The following COL7A1 variants were observed in gnomAD, a reference collection of about 807,000 sequenced individuals.
COL7A1 encodes the protein collagen alpha-1(VII) chain.
Under a neutral mutation model 456.2 loss-of-function variants are expected in COL7A1, and 296 were observed. That is an observed-to-expected ratio of 0.65 (90% CI 0.59 to 0.71). COL7A1 has a LOEUF of 0.71. Ranked by LOEUF, COL7A1 falls within the 30% of genes least tolerant of loss-of-function variation. The probability of loss-of-function intolerance (pLI) is 0.00; values close to 1 mark genes in which losing one functional copy is unlikely to be tolerated. For missense variants in COL7A1, 3,441 were observed against 4,017.2 expected, an observed-to-expected ratio of 0.86 and a Z score of 3.88; for synonymous variants, 1,464 against 1,525.9, an observed-to-expected ratio of 0.96 and a Z score of 0.95.
In COL7A1 at chr3:48,571,363, G is replaced by T; in HGVS notation, c.7069-85C>A. 1 of 1,535,334 alleles carries T rather than the reference G, an allele frequency of 6.5e-7. No homozygotes were observed. The highest frequency in any genetic ancestry group is 9.0e-7 in the Non-Finnish European group (1 of 1,112,900). Reference sequence around the variant, plus strand: ...ACGGGCTGAAAATATTCCCAGGGGAGTTCTGATGTGACCATGAACACATGG... The same window carrying T: ...ACGGGCTGAAAATATTCCCAGGGGATTTCTGATGTGACCATGAACACATGG... On this transcript the variant is annotated intron_variant, in intron 92 of 118. Coordinates refer to ENST00000681320, the MANE Select transcript of COL7A1 (RefSeq NM_000094.4). The surrounding 1 kb of genome is among the most constrained non-coding windows in gnomAD (Gnocchi z 4.6).
chr3:48,570,901 G>A lies in COL7A1; in HGVS notation c.7232C>T (p.Pro2411Leu). 6.2e-7 allele frequency: 1 copy of A among 1,613,572 alleles called. No homozygotes were observed. ...GVVGFPGQTG[P>L]RGEMGQPGPS... is the part of the protein sequence containing the mutation. ...GCCTGGCTGACCCATCTCTCCTCGA[G>A]GGCCTGTCTGACCCGGGAACCCAAC... The change falls in exon 95 of 119, where the codon CCT becomes CTT. Residue 2411 changes from proline (P) to leucine (L), a missense_variant. Pro to Leu is a moderately conservative substitution (Grantham distance 98). Transcript: ENST00000681320. This position sits in a 1 kb window ranked among gnomAD's most constrained non-coding sequence, Gnocchi z 5.5.
rs1559444623 is a variant in COL7A1, at chr3:48,595,046, CG to C, written c.85+28del. 2.6e-6 allele frequency: 4 copies of C among 1,532,402 alleles called. No homozygotes were observed. The Admixed American group carries it at 5.9e-5, about 23-fold the overall frequency. The allele number at this position is 1,532,402 out of a possible 1,614,324, so 94.9% of individuals were successfully genotyped here. On this transcript the variant is annotated intron_variant, in intron 2 of 118. Coordinates refer to ENST00000681320, the MANE Select transcript of COL7A1 (RefSeq NM_000094.4). ...CGGAGGGTGGCACGGTGCAGTGCCC[CG>C]GGCCGGGTCCTCCCTTGCGGTGCCC... is the stretch of plus-strand genomic sequence containing the variant.
rs1213166614 is a variant in COL7A1 at position 48,565,794 on chromosome 3, G to GC, written c.8408-127_8408-126insG. Reference sequence around the variant, plus strand: ...AAGAGATAGCAGGAGAGGGTAACAGGAGAGAGAGGAAGAGAGAGGGTGGGA... The same window carrying GC: ...AAGAGATAGCAGGAGAGGGTAACAGGCAGAGAGAGGAAGAGAGAGGGTGGGA... On this transcript the variant is annotated intron_variant, in intron 114 of 118. Coordinates refer to ENST00000681320, the MANE Select transcript of COL7A1 (RefSeq NM_000094.4). The surrounding 1 kb of genome is among the most constrained non-coding windows in gnomAD (Gnocchi z 4.5). 22 of 883,980 alleles carry GC rather than the reference G, an allele frequency of 2.5e-5. No homozygotes were observed. The African/African-American group carries it at 4.1e-4, about 16-fold the overall frequency. 54.8% of individuals were successfully genotyped at this position (883,980 alleles called of 1,614,324 possible). A position where few individuals can be genotyped will look rare whatever the true frequency, so the allele number is the denominator to read the frequency against.
chr3:48,585,571 C>T lies in COL7A1; in HGVS notation c.3880G>A (p.Ala1294Thr), dbSNP rs2045182493. 7 of 1,613,954 alleles carry T rather than the reference C, an allele frequency of 4.3e-6. No individual in the cohort carries two copies. Among genetic ancestry groups the T allele is most frequent in the Non-Finnish European group, 5.9e-6 (7 of 1,180,018 alleles). ...TCCACACTCACCCTCTCGCCCTTGG[C>T]AGTGGCACTTCCAGGGGGCCCCTGG... ...GPQGPPGSAT[A>T]KGERGFPGAD... is the part of the protein sequence containing the mutation. The change falls in exon 32 of 119, where the codon GCC (alanine) becomes ACC (threonine). Residue 1294 changes from alanine to threonine, a missense_variant. Coordinates refer to ENST00000681320, the MANE Select transcript of COL7A1 (RefSeq NM_000094.4). This position sits in a 1 kb window ranked among gnomAD's most constrained non-coding sequence, Gnocchi z 4.5.
chr3:48,579,203 C>T lies in COL7A1; in HGVS notation c.5382G>A (p.Gly1794=), dbSNP rs1560227255. The stretch of plus-strand genomic sequence containing the variant: ...CAGGACTACCAAGACTCACATTCGG[C>T]CCAGAGGGCCCAGCGGCTCCTGGTT... ...DGKPGAAGPS[G]PNGAAGKAGD... Residue 1794 remains glycine, a synonymous_variant, in exon 62 of 119, where the codon GGG becomes GGA. Coordinates refer to ENST00000681320, the MANE Select transcript of COL7A1 (RefSeq NM_000094.4). The surrounding 1 kb of genome is among the most constrained non-coding windows in gnomAD (Gnocchi z 4.4). The T allele has an allele frequency of 1.2e-6, 2 of 1,613,250 alleles. No homozygotes were observed. The highest frequency in any genetic ancestry group is 2.7e-5 in the African/African-American group (2 of 74,918).
rs1317127576 is a variant in COL7A1, at chr3:48,565,183, T to C, written c.8546A>G (p.Asp2849Gly). 20 of 1,613,758 alleles carry C rather than the reference T, an allele frequency of 1.2e-5. No homozygotes were observed. The highest frequency in any genetic ancestry group is 1.7e-5 in the Non-Finnish European group (20 of 1,179,906). Reference sequence around the variant, plus strand: ...CTCGGAGTATTCAGAGTACTCATCATCCTCAGGGGGTACCCGCTCTGCAGG... The same window carrying C: ...CTCGGAGTATTCAGAGTACTCATCACCCTCAGGGGGTACCCGCTCTGCAGG... Reference protein sequence around the residue: ...AEEEERVPPEDDEYSEYSEYS... With the variant: ...AEEEERVPPEGDEYSEYSEYS... The change falls in exon 117 of 119, where the codon GAT (aspartate) becomes GGT (glycine). Residue 2849 changes from aspartate (D) to glycine (G), a missense_variant. Transcript: ENST00000681320. This position sits in a 1 kb window ranked among gnomAD's most constrained non-coding sequence, Gnocchi z 4.5.
Position 48,590,258 on chromosome 3 carries a change from G to A in COL7A1, c.2005C>T (p.Arg669Ter), listed in dbSNP as rs780261665. 15 of 1,613,740 alleles carry A rather than the reference G, an allele frequency of 9.3e-6. No individual in the cohort carries two copies. Among genetic ancestry groups the A allele is most frequent in the East Asian group, 6.7e-5 (3 of 44,882 alleles). Residue 669 changes from arginine to a stop codon, truncating the protein, a stop_gained, in exon 16 of 119, where the codon CGA (arginine) becomes TGA (stop). Transcript: ENST00000681320. LOFTEE classifies it high-confidence loss of function. The surrounding 1 kb of genome is among the most constrained non-coding windows in gnomAD (Gnocchi z 4.6). ...TTYQVAVSVL[R>*]GREEGPAAVI... ...GCAGCAGGGCCCTCCTCTCTGCCTC[G>A]CAGTACCGACACAGCCACCTGGTAG...
Position 48,590,075 on chromosome 3 carries a change from G to C in COL7A1, c.2050+138C>G, listed in dbSNP as rs577224111. ...CAGCTGAAACTGAAGAGGAAGCAGC[G>C]TCTCTGAGGGAGGAGGGAGTGGGAT... On this transcript the variant is annotated intron_variant, in intron 16 of 118. Coordinates refer to ENST00000681320, the MANE Select transcript of COL7A1 (RefSeq NM_000094.4). The surrounding 1 kb of genome is among the most constrained non-coding windows in gnomAD (Gnocchi z 4.6). 2.6e-5 allele frequency: 24 copies of C among 930,842 alleles called. No individual in the cohort carries two copies. The highest frequency in any genetic ancestry group is 6.7e-4 in the Middle Eastern group (2 of 2,970). 57.7% of individuals were successfully genotyped at this position (930,842 alleles called of 1,614,324 possible). A position where few individuals can be genotyped will look rare whatever the true frequency, so the allele number is the denominator to read the frequency against.
At position 48,592,597 on chromosome 3, in the gene COL7A1, C is replaced by G. The variant is rs1220411654; in HGVS notation, c.949G>C (p.Glu317Gln). 1 of 1,614,058 alleles carries G rather than the reference C, an allele frequency of 6.2e-7. No individual in the cohort carries two copies. The highest frequency in any genetic ancestry group is 8.5e-7 in the Non-Finnish European group (1 of 1,180,020). ...VIALYANSIGEAVSGTARTTA... is the reference protein window; with the variant it reads ...VIALYANSIGQAVSGTARTTA... ...GTCCGAGCTGTCCCGCTCACAGCCT[C>G]CCCGATGCTGTTGGCGTAGAGGGCA... The change falls in exon 8 of 119, where the codon GAG (glutamate) becomes CAG (glutamine). Residue 317 changes from glutamate (E) to glutamine (Q), a missense_variant. This residue lies in a region of COL7A1 where 913 missense variants were observed against 1,088.2 expected (regional missense o/e 0.84). Transcript: ENST00000681320. The surrounding 1 kb of genome is among the most constrained non-coding windows in gnomAD (Gnocchi z 7.6).
At chr3:48,576,084 C>T (rs930196151) in intron 71 of COL7A1, among the ~76,000 whole-genome samples, 165 bp downstream of exon 71, 6 of 152,224 alleles carry the variant, frequency 3.9e-5, no homozygotes, top group African/African-American at 1.4e-4. Flanking sequence ...TGTGTCCCCA[C>T]TGCCCAAGTT....
In COL7A1 at chr3:48,594,959, G is replaced by T. The variant is rs1221069062; in HGVS notation, c.85+116C>A. On this transcript the variant is annotated intron_variant, in intron 2 of 118. Transcript: ENST00000681320. This position sits in a 1 kb window ranked among gnomAD's most constrained non-coding sequence, Gnocchi z 5.5. ...AGTCCCAGAATTAGGAGGAATCCGC[G>T]GGGCGTCGTGGAGTTGGCTGGGTTG... 10 of 853,542 alleles carry T rather than the reference G, an allele frequency of 1.2e-5. No individual in the cohort carries two copies. The highest frequency in any genetic ancestry group is 2.2e-5 in the Admixed American group (1 of 46,184). 52.9% of individuals were successfully genotyped at this position (853,542 alleles called of 1,614,324 possible).
Position 48,572,658 on chromosome 3 carries a change from G to A in COL7A1, c.6900+13C>T, listed in dbSNP as rs752776372. 6.2e-7 allele frequency: 1 copy of A among 1,603,728 alleles called. No individual in the cohort carries two copies. The highest frequency in any genetic ancestry group is 1.1e-5 in the South Asian group (1 of 89,700). On this transcript the variant is annotated intron_variant, in intron 88 of 118. Coordinates refer to ENST00000681320, the MANE Select transcript of COL7A1 (RefSeq NM_000094.4). The surrounding 1 kb of genome is among the most constrained non-coding windows in gnomAD (Gnocchi z 4.6). ...AGTTGCTGCAGGGGGTGGAAGTCAG[G>A]GTCAAAGATCACCTGTCCAGGGGCC...
In COL7A1 at chr3:48,591,917, C is replaced by T. The variant is rs2045731961; in HGVS notation, c.1338G>A (p.Leu446=). Reference sequence around the variant, plus strand: ...ACTGACCAGTCTCACGCCGCCATTCCAACCGGTAGCCACGGGCCTCAGGCA... The same window carrying T: ...ACTGACCAGTCTCACGCCGCCATTCTAACCGGTAGCCACGGGCCTCAGGCA... ...NLVPEARGYR[L]EWRRETGLEP... The change falls in exon 11 of 119, where the codon TTG becomes TTA. Residue 446 remains leucine (L), a synonymous_variant. Transcript: ENST00000681320. This position sits in a 1 kb window ranked among gnomAD's most constrained non-coding sequence, Gnocchi z 7.0. The T allele has an allele frequency of 6.2e-7, 1 of 1,614,194 alleles. No individual in the cohort carries two copies.
In COL7A1 at chr3:48,594,907, C is replaced by A. The variant is rs1047784432; in HGVS notation, c.85+168G>T. On this transcript the variant is annotated intron_variant, in intron 2 of 118. Transcript: ENST00000681320. The surrounding 1 kb of genome is among the most constrained non-coding windows in gnomAD (Gnocchi z 5.5). The stretch of plus-strand genomic sequence containing the variant: ...CAGGATAGGAGGCGGTTTAGGGAAC[C>A]CAGCACCGATCGCGGAGGGTTCGGG... Among the ~76,000 whole-genome samples the A allele has an allele frequency of 1.3e-5, 2 of 152,122 alleles. No homozygotes were observed. The highest frequency in any genetic ancestry group is 4.8e-5 in the African/African-American group (2 of 41,418).
Position 48,565,084 on chromosome 3 carries a change from C to G in COL7A1, c.8620+25G>C. The G allele has an allele frequency of 7.0e-7, 1 of 1,435,450 alleles. No homozygotes were observed. The highest frequency in any genetic ancestry group is 9.2e-7 in the Non-Finnish European group (1 of 1,089,842). The allele number at this position is 1,435,450 out of a possible 1,614,324, so 88.9% of individuals were successfully genotyped here. On this transcript the variant is annotated intron_variant, in intron 117 of 118. Transcript: ENST00000681320. This position sits in a 1 kb window ranked among gnomAD's most constrained non-coding sequence, Gnocchi z 4.5. Reference sequence around the variant, plus strand: ...CAGCCCTGCCTGCCCCTCCCCAGACCCCGCTGGCAGCCCCCCATTCTCACC... The same window carrying G: ...CAGCCCTGCCTGCCCCTCCCCAGACGCCGCTGGCAGCCCCCCATTCTCACC...
In COL7A1 at chr3:48,594,303, C is replaced by A; in HGVS notation, c.266+65G>T. 17 of 1,576,062 alleles carry A rather than the reference C, an allele frequency of 1.1e-5. No homozygotes were observed. Among genetic ancestry groups the A allele is most frequent in the Non-Finnish European group, 1.5e-5 (17 of 1,157,512 alleles). ...TGGCCTGGGGTTTCCAGGGTCTCCTCCCTCTCTGGGGAAGGAGTCTTGGTG... is the reference window on the plus strand; with the variant it reads ...TGGCCTGGGGTTTCCAGGGTCTCCTACCTCTCTGGGGAAGGAGTCTTGGTG... On this transcript the variant is annotated intron_variant, in intron 3 of 118. Transcript: ENST00000681320. The surrounding 1 kb of genome is among the most constrained non-coding windows in gnomAD (Gnocchi z 5.5).
In COL7A1 at chr3:48,565,251, C is replaced by T. The variant is rs1240986336; in HGVS notation, c.8528-50G>A. ...GGAGCAGTGGCTGCTGGCCCCGGGG[C>T]AAGGTGGGCAGCACTGATTTCCACT... On this transcript the variant is annotated intron_variant, in intron 116 of 118. Coordinates refer to ENST00000681320, the MANE Select transcript of COL7A1 (RefSeq NM_000094.4). The surrounding 1 kb of genome is among the most constrained non-coding windows in gnomAD (Gnocchi z 4.5). The T allele has an allele frequency of 1.3e-5, 20 of 1,564,010 alleles. No homozygotes were observed. Among genetic ancestry groups the T allele is most frequent in the Non-Finnish European group, 1.7e-5 (19 of 1,141,654 alleles).
chr3:48,591,041 TG>T lies in COL7A1; in HGVS notation c.1637-226del, dbSNP rs1225262712. 6.6e-6 allele frequency among the ~76,000 whole-genome samples: 1 copy of T among 151,984 alleles called. No individual in the cohort carries two copies. The highest frequency in any genetic ancestry group is 1.5e-5 in the Non-Finnish European group (1 of 67,984). On this transcript the variant is annotated intron_variant, in intron 13 of 118. Coordinates refer to ENST00000681320, the MANE Select transcript of COL7A1 (RefSeq NM_000094.4). This position sits in a 1 kb window ranked among gnomAD's most constrained non-coding sequence, Gnocchi z 7.0. Reference sequence around the variant, plus strand: ...AGGGACACTGGAGGACAGGAGTCTGTGGGATCTTAGCATGTAGGATGACAGG... The same window carrying T: ...AGGGACACTGGAGGACAGGAGTCTGTGGATCTTAGCATGTAGGATGACAGG...
chr3:48,567,227 G>GA lies in COL7A1; in HGVS notation c.8047-38dup, dbSNP rs2043648233. On this transcript the variant is annotated intron_variant, in intron 109 of 118. Coordinates refer to ENST00000681320, the MANE Select transcript of COL7A1 (RefSeq NM_000094.4). The surrounding 1 kb of genome is among the most constrained non-coding windows in gnomAD (Gnocchi z 4.3). ...AGAAGCATGAGAGACCTTCTGCCCT[G>GA]ACCTCCCTCAGCTCTGGAACCTCCC... 6 of 1,611,604 alleles carry GA rather than the reference G, an allele frequency of 3.7e-6. No homozygotes were observed. Among genetic ancestry groups the GA allele is most frequent in the Non-Finnish European group, 5.1e-6 (6 of 1,178,928 alleles).
Sources: allele counts gnomAD v4.1 joint callset (sites outside exome capture counted in the v4.1 genomes callset), GRCh38; gene constraint gnomAD v4.1.1; regional missense constraint gnomAD v4.1.1; non-coding constraint Gnocchi (gnomAD v3.1); transcripts MANE v1.5; gene names NCBI Gene and HGNC (gene_info 2026-07-23, HGNC 2026-07-21).